Variants in EFCAB10 observed in about 807,000 individuals in gnomAD.
The protein encoded by EFCAB10 is EF-hand calcium-binding domain-containing protein 10.
EFCAB10 carries 7 observed loss-of-function variants against 7.7 expected under a neutral mutation model. That is an observed-to-expected ratio of 0.91 (90% CI 0.52 to 1.72). The LOEUF (loss-of-function observed/expected upper bound fraction) is 1.72, where lower values mean the gene tolerates loss of function less well. EFCAB10 is among the 40% of genes most tolerant of loss of function. The pLI, the probability that EFCAB10 is intolerant of heterozygous loss-of-function variation, is 0.00. For missense variants in EFCAB10, 112 were observed against 61.5 expected (o/e 1.82, Z -2.74); for synonymous variants, 52 against 21.0 (o/e 2.47, Z -4.03).
At chr7:105,579,381 G>A (rs929139767) in intron 1 of EFCAB10, among the ~76,000 whole-genome samples, 4 of 152,090 alleles carry the variant, frequency 2.6e-5, no homozygotes, top group African/African-American at 7.2e-5. Context: ...GGTGGTGGGG[G>A]TAATTACCCA....
chr7:105,575,523 G>A (rs4585682), intron 1 of EFCAB10, among the ~76,000 whole-genome samples: 12,105 of 152,068 alleles, frequency 0.08, 519 homozygotes, highest in East Asian at 0.12. Flanking sequence ...CCTAGCTGAG[G>A]CAAGTTTTTC....
chr7:105,572,408 A>G (rs1791973531), intron 1 of EFCAB10: 1 of 152,218 alleles, frequency 6.6e-6, no homozygotes, highest in African/African-American at 2.4e-5. Context: ...TTGTGTATAT[A>G]TCACATTTTC....
chr7:105,570,260 TA>T (rs1791912021), intron 1 of EFCAB10, among the ~76,000 whole-genome samples: 1 of 95,614 alleles, frequency 1.0e-5, no homozygotes, highest in East Asian at 2.9e-4. Flanking sequence ...TATATATATA[TA>T]TATATATACA....
chr7:105,576,591 T>C (rs116845562), intron 1 of EFCAB10, among the ~76,000 whole-genome samples: 21,392 of 152,130 alleles, frequency 0.14, 1,818 homozygotes, highest in South Asian at 0.24. Context: ...TACAGGTGCC[T>C]CCCACCATGC....
rs550595044 is a variant in EFCAB10 at position 105,581,040 on chromosome 7, C to T, written c.106+318G>A. On this transcript the variant is annotated intron_variant, in intron 1 of 4. Coordinates refer to ENST00000480514, the MANE Select transcript of EFCAB10 (RefSeq NM_001355526.2). ...TTCGAGACCAGCCTGACCAACATGA[C>T]GAAACCCTGTCGCTACTAAAAATAC... Among the ~76,000 whole-genome samples, 15 of 152,192 alleles carry T rather than the reference C, an allele frequency of 9.9e-5. No homozygotes were observed. The East Asian group carries it at 2.7e-3, about 27-fold the overall frequency.
rs539619309 is a variant in EFCAB10 at position 105,572,108 on chromosome 7, A to T, written c.107-2537T>A. On this transcript the variant is annotated intron_variant, in intron 1 of 4. Transcript: ENST00000480514. ...CTACTGTCAGCAATTTTCAAATATA[A>T]AATATATTATTAACTGTAGTCACCA... The T allele has an allele frequency of 2.0e-5, 3 of 152,258 alleles. No homozygotes were observed. In the South Asian group the frequency reaches 6.2e-4, roughly 31 times the overall value. The allele number at this position is 152,258 out of a possible 1,614,324, so 9.4% of individuals were successfully genotyped here.
At position 105,581,456 on chromosome 7, in the gene EFCAB10, G is replaced by A. The variant is rs1271680675; in HGVS notation, c.8C>T (p.Thr3Ile). Residue 3 changes from threonine (T) to isoleucine (I), a missense_variant, in exon 1 of 5, where the codon ACC (threonine) becomes ATC (isoleucine). Physicochemically the swap from Thr to Ile is moderately conservative, Grantham distance 89 (BLOSUM62 -1). Coordinates refer to ENST00000480514, the MANE Select transcript of EFCAB10 (RefSeq NM_001355526.2). ...CGCGGCTTGGAGCTCCCTGCTGCTG[G>A]TCTCCATCGCTCCGCGTCCCGCTGT... ME[T>I]SSRELQAAEY... 1 of 703,074 alleles carries A rather than the reference G, an allele frequency of 1.4e-6. No individual in the cohort carries two copies. Among genetic ancestry groups the A allele is most frequent in the African/African-American group, 1.7e-5 (1 of 57,382 alleles). The allele number at this position is 703,074 out of a possible 1,614,324, so 43.6% of individuals were successfully genotyped here.
At chr7:105,569,636 C>A in intron 1 of EFCAB10, 65 bp from the exon 2 acceptor site, 1 of 658,872 alleles carries the variant, frequency 1.5e-6, no homozygotes, top group South Asian at 1.7e-5. Context: ...TAGAAGTAGT[C>A]ATTTAACAAT....
chr7:105,570,152 T>C (rs1367571198), intron 1 of EFCAB10, among the ~76,000 whole-genome samples: 1 of 133,336 alleles, frequency 7.5e-6, no homozygotes, highest in African/African-American at 2.8e-5. Context: ...AGGCAGAGGT[T>C]GCAGTGAGCC....
chr7:105,570,732 ATTTAAGTAACAGC>A (rs1321840328), intron 1 of EFCAB10, among the ~76,000 whole-genome samples: 1 of 152,134 alleles, frequency 6.6e-6, no homozygotes, highest in Non-Finnish European at 1.5e-5. Context: ...TCTTTCAAAA[ATTTAAGTAACAGC>A]TGGGCACGGT....
In EFCAB10 at chr7:105,577,984, G is replaced by C. The variant is rs374346021; in HGVS notation, c.106+3374C>G. On this transcript the variant is annotated intron_variant, in intron 1 of 4. Transcript: ENST00000480514. ...TCACCACGTTGGCCAGGCTGGTCTCGAACTCCTGACCTCAAGTGATCTACC... is the reference window on the plus strand; with the variant it reads ...TCACCACGTTGGCCAGGCTGGTCTCCAACTCCTGACCTCAAGTGATCTACC... 3.4e-3 allele frequency among the ~76,000 whole-genome samples: 514 copies of C among 152,154 alleles called. 2 individuals carry two copies. The highest frequency in any genetic ancestry group is 6.2e-3 in the Non-Finnish European group (422 of 67,986).
intron 1 of EFCAB10, among the ~76,000 whole-genome samples, chr7:105,574,241 T>TACAGTATATATATATATATATACATATAC (rs1792016548): frequency 6.8e-6 from 1 of 146,044 alleles, no homozygotes; most frequent in Non-Finnish European, 1.5e-5. Flanking sequence ...CACACATATA[T>TACAGTATATATATATATATATACATATAC]ACAGTATATA....
rs1030845401 is a variant in EFCAB10 at position 105,565,331 on chromosome 7, G to A, written c.*116C>T. On this transcript the variant is annotated 3_prime_UTR_variant, in exon 5 of 5. Coordinates refer to ENST00000480514, the MANE Select transcript of EFCAB10 (RefSeq NM_001355526.2). Reference sequence around the variant, plus strand: ...AGGCAGTGATGTCCCTGTCCAGTTCGGCTTGCCCGTTGCTGCTGACGTTAC... The same window carrying A: ...AGGCAGTGATGTCCCTGTCCAGTTCAGCTTGCCCGTTGCTGCTGACGTTAC... 2.7e-5 allele frequency: 44 copies of A among 1,614,048 alleles called. No individual in the cohort carries two copies. Among genetic ancestry groups the A allele is most frequent in the African/African-American group, 1.1e-4 (8 of 74,916 alleles).
chr7:105,570,268 T>TATATATATATATATACAC (rs1188257284), intron 1 of EFCAB10, among the ~76,000 whole-genome samples: 9 of 66,458 alleles, frequency 1.4e-4, no homozygotes, highest in African/African-American at 3.1e-4. Context: ...TATATATATA[T>TATATATATATATATACAC]ACACACACAC....
intron 1 of EFCAB10, among the ~76,000 whole-genome samples, chr7:105,570,391 GATAA>G (rs1394560529): frequency 6.0e-5 from 9 of 149,834 alleles, no homozygotes; most frequent in Admixed American, 2.0e-4. Flanking sequence ...AAGCAATTTG[GATAA>G]ATATTCTGTA....
Position 105,576,467 on chromosome 7 carries a change from G to C in EFCAB10, c.106+4891C>G, listed in dbSNP as rs150932868. 5.3e-3 allele frequency among the ~76,000 whole-genome samples: 804 copies of C among 151,388 alleles called. 7 individuals are homozygous for C. Among genetic ancestry groups the C allele is most frequent in the African/African-American group, 0.018 (752 of 41,090 alleles). On this transcript the variant is annotated intron_variant, in intron 1 of 4. Transcript: ENST00000480514. The stretch of plus-strand genomic sequence containing the variant: ...CATCATTATTATTATTATTAAGACA[G>C]ATTCTCACTCTGTTGCCCAGGCTGG...
intron 1 of EFCAB10, chr7:105,572,941 A>G (rs1414670912): frequency 1.3e-5 from 2 of 152,038 alleles, no homozygotes; most frequent in Non-Finnish European, 2.9e-5. Context: ...ATATACCTGT[A>G]GGCCATTTCT....
At chr7:105,567,628 A>T in intron 3 of EFCAB10, 138 bp from the exon 4 acceptor site, 1 of 552,964 alleles carries the variant, frequency 1.8e-6, no homozygotes, top group South Asian at 2.7e-5. Context: ...AATTAAGGGA[A>T]ATTCTGTTGT....
At position 105,574,198 on chromosome 7, in the gene EFCAB10, A is replaced by G. The variant is rs13233686; in HGVS notation, c.107-4627T>C. On this transcript the variant is annotated intron_variant, in intron 1 of 4. Coordinates refer to ENST00000480514, the MANE Select transcript of EFCAB10 (RefSeq NM_001355526.2). ...CATATGTATATATACACACACACGT[A>G]TATATATAGACACACACACACCCGT... Among the ~76,000 whole-genome samples the G allele has an allele frequency of 5.6e-5, 6 of 107,068 alleles. No homozygotes were observed. In the East Asian group the frequency reaches 1.1e-3, roughly 20 times the overall value. 70.2% of individuals were successfully genotyped at this position (107,068 alleles called of 152,430 possible).
Sources: gnomAD v4.1 joint callset for allele counts (sites outside exome capture counted in the v4.1 genomes callset) on GRCh38, gnomAD v4.1.1 for gene constraint, MANE v1.5 for transcripts, NCBI Gene and HGNC (gene_info 2026-07-23, HGNC 2026-07-21) for gene names.